The following NRXN3 variants were observed in gnomAD, a reference collection of about 807,000 sequenced individuals.
NRXN3 encodes the protein neurexin 3.
In NRXN3, 32 loss-of-function variants were observed where a neutral mutation model predicts 137.6. The ratio of observed to expected loss-of-function variants is 0.23; its 90% CI spans 0.18 to 0.31. NRXN3 has a LOEUF of 0.31. Ranked by LOEUF, NRXN3 falls within the 10% of genes least tolerant of loss-of-function variation. The probability of loss-of-function intolerance (pLI) is 1.00; values close to 1 mark genes in which losing one functional copy is unlikely to be tolerated. For synonymous variants in NRXN3, 798 were observed against 784.5 expected (o/e 1.02, Z -0.29); for missense variants, 1,574 against 2,062.5 (o/e 0.76, Z 4.59).
chr14:78,373,182 G>A (rs1398675183), intron 4 of NRXN3, among the ~76,000 whole-genome samples: 1 of 152,184 alleles, frequency 6.6e-6, no homozygotes, highest in African/African-American at 2.4e-5. Context: ...AAGCAAAAGG[G>A]AGCCTTTTAC....
At chr14:78,236,080 A>G (rs1316581755) in intron 1 of NRXN3, among the ~76,000 whole-genome samples, 11 of 152,228 alleles carry the variant, frequency 7.2e-5, no homozygotes, top group Admixed American at 7.2e-4. Context: ...AAAATAATAG[A>G]TTAACATATA....
At position 78,431,459 on chromosome 14, in the gene NRXN3, G is replaced by A. The variant is rs74613291; in HGVS notation, c.757+133599G>A. 6.3e-3 allele frequency among the ~76,000 whole-genome samples: 962 copies of A among 152,258 alleles called. 9 individuals are homozygous for A. The highest frequency in any genetic ancestry group is 0.022 in the African/African-American group (905 of 41,544). ...GGGATTATTTCTAGCTGAGGATCAG[G>A]GAAGGTTCTGTTGATGATTTGACAT... On this transcript the variant is annotated intron_variant, in intron 4 of 20. Coordinates refer to ENST00000335750, the MANE Select transcript of NRXN3 (RefSeq NM_001330195.2).
intron 10 of NRXN3, among the ~76,000 whole-genome samples, chr14:78,869,058 A>T (rs2152560723): frequency 6.6e-6 from 1 of 152,238 alleles, no homozygotes; most frequent in East Asian, 1.9e-4. Flanking sequence ...AACACATAAT[A>T]TAAAGGGTAT....
At chr14:78,500,502 A>T (rs867453893) in intron 4 of NRXN3, among the ~76,000 whole-genome samples, 9 of 152,170 alleles carry the variant, frequency 5.9e-5, no homozygotes, top group African/African-American at 2.2e-4. Context: ...CTTCTACAGT[A>T]AAAAAGTGGG....
intron 4 of NRXN3, among the ~76,000 whole-genome samples, chr14:78,617,263 T>C (rs2097356094): frequency 6.6e-6 from 1 of 152,094 alleles, no homozygotes; most frequent in Non-Finnish European, 1.5e-5. Flanking sequence ...CACTCCCCAT[T>C]GGGTGGCTAC....
intron 14 of NRXN3, among the ~76,000 whole-genome samples, chr14:78,976,964 A>T (rs1383486286): frequency 6.6e-6 from 1 of 152,190 alleles, no homozygotes; most frequent in African/African-American, 2.4e-5. Flanking sequence ...CTACAACCTT[A>T]GCTGATAGAT....
intron 6 of NRXN3, among the ~76,000 whole-genome samples, chr14:78,690,749 A>T (rs1425791357): frequency 6.6e-6 from 1 of 152,204 alleles, no homozygotes; most frequent in Non-Finnish European, 1.5e-5. Context: ...GGTGACCATT[A>T]ACAGAAATAA....
chr14:79,263,355 A>T (rs2077931957), intron 15 of NRXN3, among the ~76,000 whole-genome samples: 1 of 152,118 alleles, frequency 6.6e-6, no homozygotes. Flanking sequence ...TACACTTTGA[A>T]AAACAGGAAG....
intron 1 of NRXN3, among the ~76,000 whole-genome samples, chr14:78,192,101 TGTGTGTGA>T (rs1555397104): frequency 3.9e-4 from 41 of 105,714 alleles, no homozygotes; most frequent in African/African-American, 8.4e-4. Flanking sequence ...TGTGTGTGTG[TGTGTGTGA>T]GAGAGAGAGC....
At chr14:78,613,824 CA>C (rs2097323007) in intron 4 of NRXN3, among the ~76,000 whole-genome samples, 1 of 152,054 alleles carries the variant, frequency 6.6e-6, no homozygotes, top group Non-Finnish European at 1.5e-5. Flanking sequence ...TCTTTTAGGT[CA>C]AAAGCAACAA....
intron 15 of NRXN3, among the ~76,000 whole-genome samples, chr14:79,094,979 A>AGAGAGAGAGAGTGTGT (rs553957969): frequency 1.0e-4 from 12 of 115,930 alleles, no homozygotes; most frequent in Admixed American, 8.2e-4. Context: ...AGAGAGAGAG[A>AGAGAGAGAGAGTGTGT]GTGTGTGTGT....
intron 2 of NRXN3, among the ~76,000 whole-genome samples, chr14:78,272,119 G>A (rs992855141): frequency 2.0e-5 from 3 of 152,078 alleles, no homozygotes; most frequent in African/African-American, 7.2e-5. Context: ...TTATGGCTCA[G>A]TGTAATCTTT....
In NRXN3 at chr14:78,943,657, T is replaced by A. The variant is rs1398636399; in HGVS notation, c.2276-13585T>A. On this transcript the variant is annotated intron_variant, in intron 10 of 20. Transcript: ENST00000335750. ...ATATATATATATATATATATATATA[T>A]ATATATATATATATATATATATCTC... Among the ~76,000 whole-genome samples the A allele has an allele frequency of 3.8e-4, 29 of 75,774 alleles. 2 individuals carry two copies. The highest frequency in any genetic ancestry group is 1.3e-3 in the African/African-American group (18 of 14,150). The allele number at this position is 75,774 out of a possible 152,430, so 49.7% of individuals were successfully genotyped here.
intron 4 of NRXN3, among the ~76,000 whole-genome samples, chr14:78,637,237 C>G (rs969880875): frequency 6.6e-6 from 1 of 152,214 alleles, no homozygotes; most frequent in Non-Finnish European, 1.5e-5. Flanking sequence ...CTCCTAAATA[C>G]TCTGTGCTCT....
intron 10 of NRXN3, among the ~76,000 whole-genome samples, chr14:78,854,792 C>T (rs1305400523): frequency 6.6e-6 from 1 of 152,134 alleles, no homozygotes; most frequent in Non-Finnish European, 1.5e-5. Context: ...GATATATGGG[C>T]TGGGCACGGT....
At chr14:78,628,377 A>G (rs923178381) in intron 4 of NRXN3, among the ~76,000 whole-genome samples, 40 of 152,152 alleles carry the variant, frequency 2.6e-4, no homozygotes, top group Admixed American at 2.0e-3. Context: ...ATGTTTTCAA[A>G]ACAATTTTTT....
intron 10 of NRXN3, among the ~76,000 whole-genome samples, chr14:78,939,054 C>T (rs1449336569): frequency 6.6e-6 from 1 of 151,828 alleles, no homozygotes; most frequent in Non-Finnish European, 1.5e-5. Context: ...ACCGTGTTAG[C>T]CAGGATGGTC....
chr14:78,335,490 C>T (rs2081355317), intron 4 of NRXN3, among the ~76,000 whole-genome samples: 1 of 152,234 alleles, frequency 6.6e-6, no homozygotes. Context: ...TGCCTTGCAC[C>T]TGGCAGGTGT....
intron 19 of NRXN3, among the ~76,000 whole-genome samples, chr14:79,761,225 C>T (rs1439009305): frequency 6.6e-6 from 1 of 151,678 alleles, no homozygotes; most frequent in Non-Finnish European, 1.5e-5. Flanking sequence ...TCCGACGGCT[C>T]CTCTTCCTTT....
Sources: allele counts gnomAD v4.1 joint callset (sites outside exome capture counted in the v4.1 genomes callset), GRCh38; gene constraint gnomAD v4.1.1; transcripts MANE v1.5; gene names NCBI Gene and HGNC (gene_info 2026-07-23, HGNC 2026-07-21).